Variants in RSU1 observed in about 807,000 individuals in gnomAD.
RSU1 encodes the protein Ras suppressor protein 1.
Under a neutral mutation model 31.1 loss-of-function variants are expected in RSU1, and 26 were observed. The observed-to-expected ratio is 0.84, with a 90% confidence interval of 0.61 to 1.16. The LOEUF (loss-of-function observed/expected upper bound fraction) is 1.16, where lower values mean the gene tolerates loss of function less well. RSU1 is among the 50% of genes most tolerant of loss of function. The pLI, the probability that RSU1 is intolerant of heterozygous loss-of-function variation, is 0.00. For missense variants in RSU1, 320 were observed against 339.1 expected (o/e 0.94, Z 0.44); for synonymous variants, 164 against 136.3 (o/e 1.20, Z -1.41).
Position 16,817,317 on chromosome 10 carries a change from C to G in RSU1, c.-6G>C. The G allele has an allele frequency of 5.8e-6, 3 of 518,940 alleles. No individual in the cohort carries two copies. Among genetic ancestry groups the G allele is most frequent in the Non-Finnish European group, 1.0e-5 (3 of 288,230 alleles). The allele number at this position is 518,940 out of a possible 1,614,324, so 32.1% of individuals were successfully genotyped here. On this transcript the variant is annotated splice_region_variant and 5_prime_UTR_variant, in exon 1 of 9. Transcript: ENST00000345264. ...AGTGCAACACCGCACACACTCACCA[C>G]GGAAGGTAGCCCCTAAGACGATGGG...
chr10:16,703,306 G>A (rs531923200), intron 7 of RSU1, among the ~76,000 whole-genome samples: 29 of 152,184 alleles, frequency 1.9e-4, no homozygotes, highest in Non-Finnish European at 3.4e-4. Flanking sequence ...TGTGTTAGAG[G>A]AATGGACAAA....
chr10:16,787,506 A>T (rs7074326), intron 2 of RSU1, among the ~76,000 whole-genome samples: 1,603 of 152,218 alleles, frequency 0.011, 40 homozygotes, highest in African/African-American at 0.037. Flanking sequence ...TGTCCCACTG[A>T]TATGGTTAGG....
intron 2 of RSU1, among the ~76,000 whole-genome samples, chr10:16,787,983 G>T (rs1307633277): frequency 2.0e-5 from 3 of 152,318 alleles, no homozygotes; most frequent in East Asian, 1.9e-4. Flanking sequence ...TCATGGTTAA[G>T]ATTTTATACG....
At chr10:16,762,995 CAA>C (rs11341912) in intron 4 of RSU1, among the ~76,000 whole-genome samples, 1,437 of 131,300 alleles carry the variant, frequency 0.011, 24 homozygotes, top group African/African-American at 0.038. Context: ...GACTCTGTCT[CAA>C]AAAAAAAAAA....
At chr10:16,698,264 G>A (rs567639698) in intron 7 of RSU1, among the ~76,000 whole-genome samples, 60 of 152,066 alleles carry the variant, frequency 3.9e-4, no homozygotes, top group Admixed American at 2.8e-3. Flanking sequence ...CCCTTCCGCC[G>A]AGTCCCAAGC....
chr10:16,723,098 C>A (rs965391503), intron 7 of RSU1: 1 of 151,366 alleles, frequency 6.6e-6, no homozygotes, highest in Non-Finnish European at 1.5e-5. Flanking sequence ...ATATATCATA[C>A]GATTTGCTGT....
intron 3 of RSU1, among the ~76,000 whole-genome samples, chr10:16,774,137 C>G (rs1243189812): frequency 2.6e-5 from 4 of 151,342 alleles, no homozygotes; most frequent in Non-Finnish European, 5.9e-5. Context: ...TATGCCCACA[C>G]ACGTTCTGTT....
intron 2 of RSU1, among the ~76,000 whole-genome samples, chr10:16,811,926 T>G (rs956653750): frequency 2.6e-5 from 4 of 152,136 alleles, no homozygotes; most frequent in African/African-American, 9.7e-5. Flanking sequence ...GATGGGATGG[T>G]GGGTCAGAAC....
intron 8 of RSU1, among the ~76,000 whole-genome samples, chr10:16,612,771 C>T (rs1564285993): frequency 6.6e-6 from 1 of 152,166 alleles, no homozygotes. Context: ...CTCTTCGTTA[C>T]CCAGATTAGA....
At chr10:16,767,599 G>A (rs538967683) in intron 3 of RSU1, among the ~76,000 whole-genome samples, 1 of 151,934 alleles carries the variant, frequency 6.6e-6, no homozygotes, top group Non-Finnish European at 1.5e-5. Context: ...CTCAATATAC[G>A]GAATTTTTTT....
intron 8 of RSU1, among the ~76,000 whole-genome samples, chr10:16,666,986 G>A (rs542769967): frequency 1.3e-5 from 2 of 151,478 alleles, no homozygotes; most frequent in South Asian, 4.2e-4. Flanking sequence ...GCGACAGAGT[G>A]AGACTCCGCA....
chr10:16,709,336 T>C (rs1202734382), intron 7 of RSU1, among the ~76,000 whole-genome samples: 1 of 152,232 alleles, frequency 6.6e-6, no homozygotes, highest in Non-Finnish European at 1.5e-5. Context: ...CATCATTTTT[T>C]ATGGCTGCAT....
intron 4 of RSU1, among the ~76,000 whole-genome samples, chr10:16,762,161 G>A (rs988076402): frequency 6.6e-6 from 1 of 152,168 alleles, no homozygotes; most frequent in South Asian, 2.1e-4. Context: ...GAAGATTCCT[G>A]ACATAGAATA....
intron 2 of RSU1, among the ~76,000 whole-genome samples, chr10:16,782,321 T>C (rs1837670915): frequency 6.6e-6 from 1 of 152,216 alleles, no homozygotes. Context: ...ATCAGATTAA[T>C]GTCACAGAAT....
chr10:16,664,574 T>C (rs1293498647), intron 8 of RSU1, among the ~76,000 whole-genome samples: 1 of 152,216 alleles, frequency 6.6e-6, no homozygotes, highest in Non-Finnish European at 1.5e-5. Flanking sequence ...CCAGGAGACC[T>C]GGGTTAGAGT....
intron 8 of RSU1, among the ~76,000 whole-genome samples, chr10:16,652,299 G>A (rs1297741126): frequency 1.4e-5 from 2 of 146,426 alleles, no homozygotes; most frequent in Admixed American, 1.4e-4. Context: ...CAAGAAGCAT[G>A]TCATCAGTAA....
chr10:16,680,124 T>G (rs1024765586), intron 8 of RSU1, among the ~76,000 whole-genome samples: 6 of 152,054 alleles, frequency 3.9e-5, no homozygotes, highest in Admixed American at 3.9e-4. Context: ...TCAAGTGATC[T>G]GCCTGCCCTC....
intron 7 of RSU1, among the ~76,000 whole-genome samples, chr10:16,707,350 CA>C (rs1159956625): frequency 6.6e-6 from 1 of 152,068 alleles, no homozygotes; most frequent in Non-Finnish European, 1.5e-5. Context: ...ACAATCCCAC[CA>C]ACAATGTGTT....
chr10:16,682,396 T>C (rs1241432858), intron 8 of RSU1, among the ~76,000 whole-genome samples: 1 of 152,176 alleles, frequency 6.6e-6, no homozygotes, highest in African/African-American at 2.4e-5. Flanking sequence ...TATCCCGATA[T>C]CTGGAAAACA....
Sources: gnomAD v4.1 joint callset for allele counts (sites outside exome capture counted in the v4.1 genomes callset) on GRCh38, gnomAD v4.1.1 for gene constraint, MANE v1.5 for transcripts, NCBI Gene and HGNC (gene_info 2026-07-23, HGNC 2026-07-21) for gene names.